Variants in RIMS1 observed in about 807,000 individuals in gnomAD.
The protein encoded by RIMS1 is regulating synaptic membrane exocytosis 1, also known as regulating synaptic membrane exocytosis protein 1.
In RIMS1, 83 loss-of-function variants were observed where a neutral mutation model predicts 214.1. The ratio of observed to expected loss-of-function variants is 0.39; its 90% confidence interval spans 0.32 to 0.47. The LOEUF (loss-of-function observed/expected upper bound fraction) is 0.47. RIMS1 is among the 20% of genes least tolerant of loss of function. RIMS1 has a pLI of 0.99. For synonymous variants in RIMS1, 793 were observed against 786.8 expected (o/e 1.01, Z -0.13); for missense variants, 2,050 against 2,161.8 (o/e 0.95, Z 1.03).
chr6:72,122,844 G>A (rs925140557), intron 4 of RIMS1, among the ~76,000 whole-genome samples: 1 of 151,596 alleles, frequency 6.6e-6, no homozygotes, highest in Non-Finnish European at 1.5e-5. Flanking sequence ...ATTTTTTATT[G>A]CATATATTTG....
chr6:72,193,222 C>T (rs533860311), intron 6 of RIMS1, among the ~76,000 whole-genome samples: 21 of 152,160 alleles, frequency 1.4e-4, no homozygotes, highest in Non-Finnish European at 2.9e-4. Context: ...TGCTGTTTCC[C>T]CTCCTTGGGA....
intron 26 of RIMS1, among the ~76,000 whole-genome samples, chr6:72,297,991 A>G (rs769524487): frequency 6.6e-6 from 1 of 151,970 alleles, no homozygotes; most frequent in African/African-American, 2.4e-5. Context: ...CCAGTACACA[A>G]GCCAAGGGGT....
rs185938171 is a variant in RIMS1 at position 72,389,650 on chromosome 6, A to G, written c.4367-948A>G. 4.2e-3 allele frequency among the ~76,000 whole-genome samples: 640 copies of G among 152,304 alleles called. 2 individuals carry two copies. Among genetic ancestry groups the G allele is most frequent in the Non-Finnish European group, 7.1e-3 (486 of 68,032 alleles). ...TAATTATGTATATAGAGCATTTTTC[A>G]TATATTATTAATGGGTATTATATGA... On this transcript the variant is annotated intron_variant, in intron 29 of 33. Transcript: ENST00000521978.
chr6:72,237,441 G>A (rs1031739448), intron 8 of RIMS1, among the ~76,000 whole-genome samples: 2 of 152,016 alleles, frequency 1.3e-5, no homozygotes, highest in African/African-American at 2.4e-5. Context: ...TTGGGAGGCC[G>A]AGGCAGGAGG....
intron 4 of RIMS1, chr6:72,175,275 G>T: frequency 5.0e-6 from 1 of 199,148 alleles, no homozygotes; most frequent in Non-Finnish European, 1.1e-5. Context: ...AATGAAAATT[G>T]AATCACAATC....
chr6:72,245,677 G>C lies in RIMS1; in HGVS notation c.2082-138G>C, dbSNP rs2069165788. ...TTGACATTCATGCACATTAGTAGTT[G>C]CCTTAATAGTAACTCCTATTCATTT... is the stretch of plus-strand genomic sequence containing the variant. On this transcript the variant is annotated intron_variant, in intron 10 of 33. Coordinates refer to ENST00000521978, the MANE Select transcript of RIMS1 (RefSeq NM_014989.7). 6.8e-6 allele frequency: 4 copies of C among 590,918 alleles called. No homozygotes were observed. The African/African-American group carries it at 7.5e-5, about 11-fold the overall frequency. 36.6% of individuals were successfully genotyped at this position (590,918 alleles called of 1,614,324 possible).
chr6:72,363,097 C>A (rs1052074419), intron 29 of RIMS1, among the ~76,000 whole-genome samples: 1 of 152,132 alleles, frequency 6.6e-6, no homozygotes, highest in Non-Finnish European at 1.5e-5. Flanking sequence ...TTAACCTAGA[C>A]TGGTGGCAAT....
intron 4 of RIMS1, among the ~76,000 whole-genome samples, chr6:72,162,277 G>T (rs1319933328): frequency 7.1e-6 from 1 of 140,228 alleles, no homozygotes; most frequent in Non-Finnish European, 1.6e-5. Context: ...GAGGCTATGT[G>T]TGTCTCTGCA....
At chr6:71,926,785 A>C (rs1196560439) in intron 1 of RIMS1, among the ~76,000 whole-genome samples, 1 of 152,212 alleles carries the variant, frequency 6.6e-6, no homozygotes, top group East Asian at 1.9e-4. Context: ...AATTTTAACT[A>C]CATAGGTACG....
chr6:72,026,121 A>T (rs1377306018), intron 2 of RIMS1, among the ~76,000 whole-genome samples: 1 of 152,176 alleles, frequency 6.6e-6, no homozygotes, highest in East Asian at 1.9e-4. Flanking sequence ...GAGAAGGCCT[A>T]CATAGAGCCC....
In RIMS1 at chr6:72,161,928, A is replaced by G. The variant is rs139318278; in HGVS notation, c.472-17647A>G. Among the ~76,000 whole-genome samples, 505 of 140,854 alleles carry G rather than the reference A, an allele frequency of 3.6e-3. 27 individuals are homozygous for G. The highest frequency in any genetic ancestry group is 0.011 in the African/African-American group (468 of 40,738). The allele number at this position is 140,854 out of a possible 152,430, so 92.4% of individuals were successfully genotyped here. A position where few individuals can be genotyped will look rare whatever the true frequency, so the allele number is the denominator to read the frequency against. On this transcript the variant is annotated intron_variant, in intron 4 of 33. Coordinates refer to ENST00000521978, the MANE Select transcript of RIMS1 (RefSeq NM_014989.7). ...TCCGCTTGGTGCAGAGCTGAGTTCA[A>G]TTCCTGGATATCCTTGTTAACTTTC...
chr6:71,889,431 G>T (rs1474521645), intron 1 of RIMS1, among the ~76,000 whole-genome samples: 1 of 152,162 alleles, frequency 6.6e-6, no homozygotes, highest in Non-Finnish European at 1.5e-5. Flanking sequence ...TGCATATATT[G>T]TTCCTTTGTT....
Position 72,400,686 on chromosome 6 carries a change from C to A in RIMS1, c.5051C>A (p.Ser1684Ter). The change falls in exon 34 of 34, where the codon TCA (serine) becomes TAA (stop). Residue 1684 changes from serine (S) to a stop codon, truncating the protein, a stop_gained. Coordinates refer to ENST00000521978, the MANE Select transcript of RIMS1 (RefSeq NM_014989.7). LOFTEE classifies it high-confidence loss of function. ...GCTTCCCAGTCATCTCTGGAAAGTT[C>A]AACTGGGCCTCCCTGTATTCGATCA... ...RRASQSSLES[S>*]TGPPCIRS The A allele has an allele frequency of 6.2e-7, 1 of 1,613,574 alleles. No homozygotes were observed. The highest frequency in any genetic ancestry group is 2.2e-5 in the East Asian group (1 of 44,880).
At chr6:72,041,619 T>C (rs1243057582) in intron 2 of RIMS1, among the ~76,000 whole-genome samples, 2 of 151,930 alleles carry the variant, frequency 1.3e-5, no homozygotes, top group African/African-American at 2.4e-5. Flanking sequence ...AGACGTGGCC[T>C]CACTCCCTCT....
At chr6:72,328,999 T>C (rs75812440) in intron 28 of RIMS1, among the ~76,000 whole-genome samples, 1,721 of 151,772 alleles carry the variant, frequency 0.011, 18 homozygotes, top group Non-Finnish European at 0.02. Flanking sequence ...GAGTCAGTCT[T>C]GCCAAGAACT....
At chr6:72,100,567 T>C (rs1442696510) in intron 4 of RIMS1, among the ~76,000 whole-genome samples, 1 of 151,664 alleles carries the variant, frequency 6.6e-6, no homozygotes, top group African/African-American at 2.4e-5. Flanking sequence ...CCACAGAGGC[T>C]CTTTGTGCCT....
At chr6:71,955,450 A>G (rs2151184608) in intron 1 of RIMS1, among the ~76,000 whole-genome samples, 1 of 152,270 alleles carries the variant, frequency 6.6e-6, no homozygotes, top group South Asian at 2.1e-4. Flanking sequence ...TACAGGCATG[A>G]GCCACCGTGC....
At chr6:72,317,414 T>G (rs1420745581) in intron 28 of RIMS1, 2 of 183,422 alleles carry the variant, frequency 1.1e-5, no homozygotes, top group East Asian at 2.5e-4. Flanking sequence ...ATACATTTAG[T>G]AAAATTTGGC....
Position 72,257,241 on chromosome 6 carries a change from T to C in RIMS1, c.2771-884T>C, listed in dbSNP as rs190316170. ...CCACATAATTTTTTTATTTTCCTTATGATAATAAAAAACAGTTACCCTTGT... is the reference window on the plus strand; with the variant it reads ...CCACATAATTTTTTTATTTTCCTTACGATAATAAAAAACAGTTACCCTTGT... On this transcript the variant is annotated intron_variant, in intron 16 of 33. Transcript: ENST00000521978. 1.4e-4 allele frequency among the ~76,000 whole-genome samples: 22 copies of C among 151,978 alleles called. No homozygotes were observed. In the East Asian group the frequency reaches 4.1e-3, roughly 28 times the overall value.
Sources: allele counts gnomAD v4.1 joint callset (sites outside exome capture counted in the v4.1 genomes callset), GRCh38; gene constraint gnomAD v4.1.1; transcripts MANE v1.5; gene names NCBI Gene and HGNC (gene_info 2026-07-23, HGNC 2026-07-21).